The following TMEM161A variants were observed in gnomAD, a reference collection of about 807,000 sequenced individuals.
TMEM161A encodes the protein adaptive response to oxidative stress protein 29.
Under a neutral mutation model 57.1 loss-of-function variants are expected in TMEM161A, and 46 were observed. That is an observed-to-expected ratio of 0.81 (90% confidence interval 0.64 to 1.03). The LOEUF is 1.03. Ranked by LOEUF, TMEM161A falls within the 50% of genes least tolerant of loss-of-function variation. The pLI, the probability that TMEM161A is intolerant of heterozygous loss-of-function variation, is 0.00. For missense variants in TMEM161A, 601 were observed against 621.5 expected (o/e 0.97, Z 0.35); for synonymous variants, 288 against 279.0 (o/e 1.03, Z -0.32).
chr19:19,138,471 C>T lies in TMEM161A; in HGVS notation c.-43G>A, dbSNP rs758804142. ...GGTGCACTCACCCACCGGCCTAGGGCTCCGGGCACTCTGCGGAAACTCGAC... is the reference window on the plus strand; with the variant it reads ...GGTGCACTCACCCACCGGCCTAGGGTTCCGGGCACTCTGCGGAAACTCGAC... On this transcript the variant is annotated 5_prime_UTR_variant, in exon 1 of 12. Transcript: ENST00000162044. The T allele has an allele frequency of 2.8e-5, 45 of 1,582,472 alleles. No individual in the cohort carries two copies. The highest frequency in any genetic ancestry group is 3.5e-5 in the Non-Finnish European group (41 of 1,165,352).
At position 19,133,232 on chromosome 19, in the gene TMEM161A, C is replaced by T. The variant is rs200511133; in HGVS notation, c.108-22G>A. On this transcript the variant is annotated intron_variant, in intron 2 of 11. Transcript: ENST00000162044. ...CAAACTGAGAGCAAGGACGGGCAGT[C>T]AGGGAAGCTCAGGCGTGGGGTTGGG... 8.1e-6 allele frequency: 13 copies of T among 1,612,238 alleles called. No homozygotes were observed. The African/African-American group carries it at 1.5e-4, about 18-fold the overall frequency.
rs118167121 is a variant in TMEM161A at position 19,122,987 on chromosome 19, C to G, written c.596-1168G>C. Among the ~76,000 whole-genome samples the G allele has an allele frequency of 2.0e-4, 30 of 152,256 alleles. No individual in the cohort carries two copies. The East Asian group carries it at 5.4e-3, about 27-fold the overall frequency. ...GTGACATGAGAATTCCTTCAGATGA[C>G]TGGGTAGAGTTGCAAAGGAACCAAA... On this transcript the variant is annotated intron_variant, in intron 6 of 11. Transcript: ENST00000162044.
At chr19:19,134,671 C>T in intron 2 of TMEM161A, 113 bp downstream of exon 2, 1 of 713,034 alleles carries the variant, frequency 1.4e-6, no homozygotes, top group South Asian at 1.8e-5. Flanking sequence ...AACGTTTTTC[C>T]CCCCACCACC....
chr19:19,127,391 C>A (rs1009418036), intron 6 of TMEM161A, among the ~76,000 whole-genome samples: 8 of 144,412 alleles, frequency 5.5e-5, no homozygotes, highest in African/African-American at 1.0e-4. Flanking sequence ...ACTATCTAAG[C>A]TCACTGCAAG....
chr19:19,119,737 C>T lies in TMEM161A; in HGVS notation c.*193G>A, dbSNP rs2059897756. The T allele has an allele frequency of 1.5e-6, 1 of 674,880 alleles. No individual in the cohort carries two copies. The highest frequency in any genetic ancestry group is 1.8e-5 in the African/African-American group (1 of 55,172). 41.8% of individuals were successfully genotyped at this position (674,880 alleles called of 1,614,324 possible). On this transcript the variant is annotated 3_prime_UTR_variant, in exon 12 of 12. Transcript: ENST00000162044. The stretch of plus-strand genomic sequence containing the variant: ...CCTCGGGACCCTCATGCTGCTGGGC[C>T]CAGGAGAGACAGTTCTGAGGCAGAA...
chr19:19,120,746 C>G lies in TMEM161A; in HGVS notation c.1186+19G>C, dbSNP rs576060322. ...TTCCAACTCCGCCCCTCCTCCACCC[C>G]CACACCGCGGCATCTCACCCAGCGT... On this transcript the variant is annotated intron_variant, in intron 11 of 11. Coordinates refer to ENST00000162044, the MANE Select transcript of TMEM161A (RefSeq NM_017814.3). 4 of 1,611,158 alleles carry G rather than the reference C, an allele frequency of 2.5e-6. No homozygotes were observed. The highest frequency in any genetic ancestry group is 4.5e-5 in the East Asian group (2 of 44,896).
rs1238691467 is a variant in TMEM161A, at chr19:19,120,088, G to A, written c.1282C>T (p.Gln428Ter). 6.3e-7 allele frequency: 1 copy of A among 1,584,966 alleles called. No individual in the cohort carries two copies. Among genetic ancestry groups the A allele is most frequent in the Non-Finnish European group, 8.6e-7 (1 of 1,166,164 alleles). The change falls in exon 12 of 12, where the codon CAG (glutamine) becomes TAG (stop). Residue 428 changes from glutamine (Q) to a stop codon, truncating the protein, a stop_gained. Transcript: ENST00000162044. LOFTEE classifies it high-confidence loss of function. ...APIGSGEDEV[Q>*]QTAARIAGAL... is the part of the protein sequence containing the mutation. Reference sequence around the variant, plus strand: ...CCGGCAATCCGCGCTGCAGTCTGCTGGACTTCGTCCTCCCCAGAGCCGATG... The same window carrying A: ...CCGGCAATCCGCGCTGCAGTCTGCTAGACTTCGTCCTCCCCAGAGCCGATG...
chr19:19,130,480 G>A lies in TMEM161A; in HGVS notation c.444-173C>T. The A allele has an allele frequency of 5.5e-6, 4 of 733,020 alleles. No homozygotes were observed. The Admixed American group carries it at 1.1e-4, about 19-fold the overall frequency. The allele number at this position is 733,020 out of a possible 1,614,324, so 45.4% of individuals were successfully genotyped here. ...GTGCTGGATCTCAGATCAGGATGTG[G>A]GCTGGGGGTTCCCGTTGAGTGGGAG... On this transcript the variant is annotated intron_variant, in intron 5 of 11. Transcript: ENST00000162044.
At position 19,120,980 on chromosome 19, in the gene TMEM161A, G is replaced by A; in HGVS notation, c.1089+12C>T. On this transcript the variant is annotated intron_variant, in intron 10 of 11. Transcript: ENST00000162044. ...AGGTTCCCTCTGGCCTAGGTCATCG[G>A]GGCGTCCATACCCTCTGCTGGATTT... 4 of 1,606,750 alleles carry A rather than the reference G, an allele frequency of 2.5e-6. No individual in the cohort carries two copies. Among genetic ancestry groups the A allele is most frequent in the Non-Finnish European group, 3.4e-6 (4 of 1,175,970 alleles).
rs1161929721 is a variant in TMEM161A at position 19,121,432 on chromosome 19, AG to A, written c.801-12del. On this transcript the variant is annotated splice_polypyrimidine_tract_variant and intron_variant, in intron 8 of 11. Transcript: ENST00000162044. This position sits in a 1 kb window ranked among gnomAD's most constrained non-coding sequence, Gnocchi z 5.8. Reference sequence around the variant, plus strand: ...GTGTGCAGGAGGAACCTGGGGGGTGAGGGCAGGAGGGAGTGAGGCCTGGGTA... The same window carrying A: ...GTGTGCAGGAGGAACCTGGGGGGTGAGGCAGGAGGGAGTGAGGCCTGGGTA... 6.2e-7 allele frequency: 1 copy of A among 1,613,654 alleles called. No homozygotes were observed. Among genetic ancestry groups the A allele is most frequent in the Non-Finnish European group, 8.5e-7 (1 of 1,179,730 alleles).
Position 19,132,319 on chromosome 19 carries a change from G to A in TMEM161A, c.443+33C>T, listed in dbSNP as rs371320442. 58 of 1,592,004 alleles carry A rather than the reference G, an allele frequency of 3.6e-5. No homozygotes were observed. In the East Asian group the frequency reaches 4.7e-4, roughly 13 times the overall value. On this transcript the variant is annotated intron_variant, in intron 5 of 11. Coordinates refer to ENST00000162044, the MANE Select transcript of TMEM161A (RefSeq NM_017814.3). The surrounding 1 kb of genome is among the most constrained non-coding windows in gnomAD (Gnocchi z 4.3). Reference sequence around the variant, plus strand: ...GGAAGCTCAGGTCCTGCTCCCACCCGCCCCACTGGCAGGGAGCAGAGAGGA... The same window carrying A: ...GGAAGCTCAGGTCCTGCTCCCACCCACCCCACTGGCAGGGAGCAGAGAGGA...
At chr19:19,128,228 CT>C (rs531458159) in intron 6 of TMEM161A, among the ~76,000 whole-genome samples, 4,294 of 120,738 alleles carry the variant, frequency 0.036, 38 homozygotes, top group South Asian at 0.058. Context: ...TCTAAATAGA[CT>C]TTTTTTTTTT....
chr19:19,132,325 C>T lies in TMEM161A; in HGVS notation c.443+27G>A. ...TCAGGTCCTGCTCCCACCCGCCCCA[C>T]TGGCAGGGAGCAGAGAGGAAGGATA... On this transcript the variant is annotated intron_variant, in intron 5 of 11. Transcript: ENST00000162044. The surrounding 1 kb of genome is among the most constrained non-coding windows in gnomAD (Gnocchi z 4.3). The T allele has an allele frequency of 6.3e-7, 1 of 1,596,882 alleles. No individual in the cohort carries two copies. Among genetic ancestry groups the T allele is most frequent in the Non-Finnish European group, 8.5e-7 (1 of 1,170,658 alleles).
At chr19:19,136,115 G>T (rs536424755) in intron 1 of TMEM161A, among the ~76,000 whole-genome samples, 11 of 151,962 alleles carry the variant, frequency 7.2e-5, no homozygotes, top group African/African-American at 2.7e-4. Context: ...TCAGTCTGTG[G>T]TGAAGCTGGG....
chr19:19,120,094 C>T lies in TMEM161A; in HGVS notation c.1276G>A (p.Glu426Lys), dbSNP rs761632393. Residue 426 changes from glutamate (E) to lysine (K), a missense_variant, in exon 12 of 12, where the codon GAA (glutamate) becomes AAA (lysine). By Grantham distance (56) the Glu-to-Lys change is moderately conservative. Transcript: ENST00000162044. ...SAAPIGSGED[E>K]VQQTAARIAG... The stretch of plus-strand genomic sequence containing the variant: ...ATCCGCGCTGCAGTCTGCTGGACTT[C>T]GTCCTCCCCAGAGCCGATGGGGGCA... 18 of 1,581,728 alleles carry T rather than the reference C, an allele frequency of 1.1e-5. No individual in the cohort carries two copies. The highest frequency in any genetic ancestry group is 1.5e-5 in the Non-Finnish European group (18 of 1,164,426).
chr19:19,120,657 C>T (rs1297115670), intron 11 of TMEM161A, 108 bp downstream of exon 11: 2 of 1,021,806 alleles, frequency 2.0e-6, no homozygotes, highest in Non-Finnish European at 2.9e-6. Flanking sequence ...CGCCCCCTGC[C>T]TAGGCCCCGC....
At chr19:19,120,687 T>C (rs1450610386) in intron 11 of TMEM161A, 78 bp downstream of exon 11, 22 of 649,912 alleles carry the variant, frequency 3.4e-5, no homozygotes, top group South Asian at 3.8e-5. Context: ...CCCACCGCGG[T>C]CCCCGCCAGA....
chr19:19,120,968 C>T, intron 10 of TMEM161A, 24 bp downstream of exon 10: 1 of 1,607,358 alleles, frequency 6.2e-7, no homozygotes, highest in Non-Finnish European at 8.5e-7. Context: ...TTCCCTCTGG[C>T]CTAGGTCATC....
chr19:19,131,817 C>T (rs1394262134), intron 5 of TMEM161A, among the ~76,000 whole-genome samples: 6 of 151,854 alleles, frequency 4.0e-5, no homozygotes, highest in African/African-American at 9.7e-5. Flanking sequence ...TGAGCCACCG[C>T]GCCTGGCTAA....
Sources: allele counts gnomAD v4.1 joint callset (sites outside exome capture counted in the v4.1 genomes callset), GRCh38; gene constraint gnomAD v4.1.1; non-coding constraint Gnocchi (gnomAD v3.1); transcripts MANE v1.5; gene names NCBI Gene and HGNC (gene_info 2026-07-23, HGNC 2026-07-21).